Variants in OCLN observed in about 807,000 individuals in gnomAD.
OCLN encodes the protein occludin.
A neutral mutation model predicts 47.9 loss-of-function variants in OCLN; 21 were observed. The observed-to-expected ratio is 0.44, with a 90% confidence interval of 0.31 to 0.63. The LOEUF is 0.63. Ranked by LOEUF, OCLN falls within the 30% of genes least tolerant of loss-of-function variation. OCLN has a pLI of 0.08. For synonymous variants in OCLN, 117 were observed against 198.4 expected (o/e 0.59, Z 3.45); for missense variants, 360 against 571.0 (o/e 0.63, Z 3.77).
chr5:69,512,627 C>T lies in OCLN; in HGVS notation c.730-1321C>T, dbSNP rs1319047174. On this transcript the variant is annotated intron_variant, in intron 3 of 8. Coordinates refer to ENST00000396442, the MANE Select transcript of OCLN (RefSeq NM_001205254.2). ...GAAGGGTTATATTGAATCTGTAGGT[C>T]AATTTTGGATGTATTGTCATCTTTA... Among the ~76,000 whole-genome samples the T allele has an allele frequency of 2.0e-5, 3 of 152,248 alleles. No individual in the cohort carries two copies. In the South Asian group the frequency reaches 6.2e-4, roughly 32 times the overall value.
At chr5:69,506,679 T>G (rs1481163215) in intron 2 of OCLN, among the ~76,000 whole-genome samples, 1 of 152,174 alleles carries the variant, frequency 6.6e-6, no homozygotes, top group Non-Finnish European at 1.5e-5. Context: ...CCAAAGATTT[T>G]AGGAGTTGTA....
chr5:69,533,458 G>A (rs956762150), intron 4 of OCLN, among the ~76,000 whole-genome samples: 2 of 152,070 alleles, frequency 1.3e-5, no homozygotes, highest in African/African-American at 2.4e-5. Context: ...TTGTTACATC[G>A]TCGAGCTATA....
intron 2 of OCLN, among the ~76,000 whole-genome samples, chr5:69,507,378 G>A (rs1408308384): frequency 6.6e-6 from 1 of 151,890 alleles, no homozygotes; most frequent in Non-Finnish European, 1.5e-5. Context: ...CAGGTGACCC[G>A]CCCACCTCCT....
At chr5:69,536,825 G>A (rs1398914877) in intron 5 of OCLN, among the ~76,000 whole-genome samples, 8 of 152,092 alleles carry the variant, frequency 5.3e-5, no homozygotes, top group African/African-American at 1.4e-4. Flanking sequence ...AAAATTAGCC[G>A]GGCATGGTGG....
chr5:69,492,707 G>C (rs1290229238), upstream of OCLN: 20 of 152,652 alleles, frequency 1.3e-4, no homozygotes, highest in Admixed American at 1.3e-3. Context: ...CCCCTTCCAC[G>C]TTGGTGCGCA....
chr5:69,531,835 G>A (rs1436638813), intron 4 of OCLN, among the ~76,000 whole-genome samples: 1 of 152,232 alleles, frequency 6.6e-6, no homozygotes, highest in Non-Finnish European at 1.5e-5. Context: ...TGCATCTCAT[G>A]TTTTAATGTA....
At chr5:69,523,047 T>A (rs556585416) in intron 4 of OCLN, among the ~76,000 whole-genome samples, 1 of 152,228 alleles carries the variant, frequency 6.6e-6, no homozygotes, top group East Asian at 1.9e-4. Flanking sequence ...GTCCCTATTG[T>A]TAACATCCTA....
intron 4 of OCLN, among the ~76,000 whole-genome samples, chr5:69,521,725 C>T (rs1428315361): frequency 6.6e-6 from 1 of 152,126 alleles, no homozygotes; most frequent in Non-Finnish European, 1.5e-5. Context: ...TATGAAATTG[C>T]TCAGTTCCCA....
intron 5 of OCLN, among the ~76,000 whole-genome samples, chr5:69,537,211 T>TC (rs1769614269): frequency 9.8e-6 from 1 of 101,562 alleles, no homozygotes; most frequent in Non-Finnish European, 2.1e-5. Context: ...TTTTTTTTTT[T>TC]GGTAGAGACA....
chr5:69,515,716 C>T (rs868106601), intron 4 of OCLN, among the ~76,000 whole-genome samples: 7 of 147,744 alleles, frequency 4.7e-5, no homozygotes, highest in African/African-American at 7.5e-5. Context: ...GGCTGCCGGG[C>T]GGAGGGGCTC....
At chr5:69,519,897 C>T (rs775074602) in intron 4 of OCLN, among the ~76,000 whole-genome samples, 8 of 152,298 alleles carry the variant, frequency 5.3e-5, no homozygotes, top group African/African-American at 1.4e-4. Flanking sequence ...AAAAAATCCA[C>T]GTATATGTGG....
chr5:69,525,916 T>C (rs1308855678), intron 4 of OCLN, among the ~76,000 whole-genome samples: 1 of 152,194 alleles, frequency 6.6e-6, no homozygotes, highest in African/African-American at 2.4e-5. Flanking sequence ...CCCTCAGCTG[T>C]TCTCATGCCG....
chr5:69,528,362 T>G (rs1156488432), intron 4 of OCLN, among the ~76,000 whole-genome samples: 7 of 151,956 alleles, frequency 4.6e-5, no homozygotes, highest in Non-Finnish European at 1.0e-4. Context: ...AAAATCCTAC[T>G]CTTTCCTTTT....
intron 4 of OCLN, among the ~76,000 whole-genome samples, chr5:69,518,945 G>A (rs560126953): frequency 6.6e-6 from 1 of 152,116 alleles, no homozygotes; most frequent in African/African-American, 2.4e-5. Context: ...AAGACCATCT[G>A]GGGCAAGAAG....
At chr5:69,534,583 T>C in intron 4 of OCLN, 111 bp from the exon 5 acceptor site, 4 of 350,158 alleles carry the variant, frequency 1.1e-5, no homozygotes, top group South Asian at 7.0e-5. Context: ...GTGTTAATAG[T>C]ATTTAATGGG....
chr5:69,508,169 A>G (rs987328104), intron 2 of OCLN, among the ~76,000 whole-genome samples: 3 of 151,874 alleles, frequency 2.0e-5, no homozygotes, highest in African/African-American at 7.3e-5. Flanking sequence ...CAGCCTCCCA[A>G]GTAAGTGGGA....
At position 69,555,620 on chromosome 5, in the gene OCLN, A is replaced by C. The variant is rs1769959856; in HGVS notation, c.*1949A>C. The C allele has an allele frequency of 6.6e-6, 1 of 152,082 alleles. No homozygotes were observed. Among genetic ancestry groups the C allele is most frequent in the Non-Finnish European group, 1.5e-5 (1 of 68,030 alleles). The allele number at this position is 152,082 out of a possible 1,614,324, so 9.4% of individuals were successfully genotyped here. On this transcript the variant is annotated 3_prime_UTR_variant, in exon 9 of 9. Transcript: ENST00000396442. The stretch of plus-strand genomic sequence containing the variant: ...TTATTTTCCAGAGATAAAATTTTAA[A>C]TGTTTCCATTATATCACTGATTTAT...
At chr5:69,536,274 A>G (rs1360058050) in intron 5 of OCLN, among the ~76,000 whole-genome samples, 1 of 148,432 alleles carries the variant, frequency 6.7e-6, no homozygotes, top group Non-Finnish European at 1.5e-5. Flanking sequence ...TAAACACTAT[A>G]CTTAGGCTAC....
intron 4 of OCLN, among the ~76,000 whole-genome samples, chr5:69,532,476 G>T (rs1227855900): frequency 1.3e-5 from 2 of 152,144 alleles, no homozygotes; most frequent in African/African-American, 4.8e-5. Context: ...AATATCTGTA[G>T]ATTTATTTTG....
Sources: allele counts gnomAD v4.1 joint callset (sites outside exome capture counted in the v4.1 genomes callset), GRCh38; gene constraint gnomAD v4.1.1; transcripts MANE v1.5; gene names NCBI Gene and HGNC (gene_info 2026-07-23, HGNC 2026-07-21).